CUX2: variants seen among roughly 807,000 people sequenced by gnomAD.
The protein encoded by CUX2 is cut like homeobox 2.
CUX2 carries 40 observed loss-of-function variants against 144.8 expected under a neutral mutation model. That is an observed-to-expected ratio of 0.28 (90% CI 0.21 to 0.36). The LOEUF (loss-of-function observed/expected upper bound fraction) is 0.36, where lower values mean the gene tolerates loss of function less well. Among genes scored for constraint, CUX2 ranks in the 10% least tolerant of loss-of-function variants. The pLI, the probability that CUX2 is intolerant of heterozygous loss-of-function variation, is 1.00. For synonymous variants in CUX2, 827 were observed against 875.6 expected, an observed-to-expected ratio of 0.94 and a Z score of 0.98; for missense variants, 1,615 against 1,994.0, an observed-to-expected ratio of 0.81 and a Z score of 3.62.
intron 1 of CUX2, among the ~76,000 whole-genome samples, chr12:111,205,009 C>T (rs929587154): frequency 8.5e-5 from 13 of 152,170 alleles, no homozygotes; most frequent in Admixed American, 6.5e-4. Flanking sequence ...GCCCTGGCCT[C>T]GGATAATTGG....
intron 1 of CUX2, among the ~76,000 whole-genome samples, chr12:111,084,674 TCA>T (rs1363351200): frequency 2.6e-5 from 4 of 152,232 alleles, no homozygotes; most frequent in African/African-American, 9.6e-5. Flanking sequence ...TTTTAAGGAC[TCA>T]CAGCGATGAA....
chr12:111,279,200 AG>A (rs1351258971), intron 4 of CUX2, among the ~76,000 whole-genome samples: 1 of 152,188 alleles, frequency 6.6e-6, no homozygotes, highest in Admixed American at 6.5e-5. Flanking sequence ...AGGAACTGTC[AG>A]GTCCCCTTAT....
intron 1 of CUX2, among the ~76,000 whole-genome samples, chr12:111,166,972 G>A (rs781489623): frequency 5.3e-5 from 8 of 152,160 alleles, no homozygotes; most frequent in Non-Finnish European, 7.3e-5. Flanking sequence ...GGAATTATTC[G>A]GCAACCTTGC....
chr12:111,071,333 T>C (rs1871247688), intron 1 of CUX2, among the ~76,000 whole-genome samples: 1 of 152,224 alleles, frequency 6.6e-6, no homozygotes, highest in Admixed American at 6.5e-5. Flanking sequence ...TGTGTAGAGG[T>C]ATCTCACTAT....
chr12:111,242,341 G>A (rs1237273183), intron 3 of CUX2, among the ~76,000 whole-genome samples: 1 of 152,202 alleles, frequency 6.6e-6, no homozygotes, highest in Non-Finnish European at 1.5e-5. Flanking sequence ...ATAGCCCGTG[G>A]GCCAAATAAA....
intron 1 of CUX2, among the ~76,000 whole-genome samples, chr12:111,060,859 G>A (rs1047762064): frequency 1.3e-5 from 2 of 152,220 alleles, no homozygotes; most frequent in Non-Finnish European, 2.9e-5. Context: ...AGAAACGGAA[G>A]CCTTAGCCCC....
Position 111,320,354 on chromosome 12 carries a change from C to T in CUX2, c.2345C>T (p.Ala782Val). The T allele has an allele frequency of 6.3e-7, 1 of 1,598,178 alleles. No homozygotes were observed. Among genetic ancestry groups the T allele is most frequent in the Non-Finnish European group, 8.5e-7 (1 of 1,179,176 alleles). Residue 782 changes from alanine (A) to valine (V), a missense_variant, in exon 17 of 22, where the codon GCC becomes GTC. Transcript: ENST00000261726. The surrounding 1 kb of genome is among the most constrained non-coding windows in gnomAD (Gnocchi z 8.1). ...IRKVKSEIGDAGYFDHHWASD... is the reference protein window; with the variant it reads ...IRKVKSEIGDVGYFDHHWASD... ...AAGGTCAAGTCCGAGATCGGCGACGCCGGCTACTTCGACCACCACTGGGCC... is the reference window on the plus strand; with the variant it reads ...AAGGTCAAGTCCGAGATCGGCGACGTCGGCTACTTCGACCACCACTGGGCC...
At chr12:111,329,785 G>A (rs903347952) in intron 18 of CUX2, among the ~76,000 whole-genome samples, 2 of 152,158 alleles carry the variant, frequency 1.3e-5, no homozygotes, top group African/African-American at 4.8e-5. Flanking sequence ...ACAGGTGTGT[G>A]CAAACACACC....
intron 1 of CUX2, among the ~76,000 whole-genome samples, chr12:111,138,016 T>C (rs2136119299): frequency 6.6e-6 from 1 of 152,310 alleles, no homozygotes; most frequent in African/African-American, 2.4e-5. Context: ...ACCGTATGGG[T>C]AGGCCATGTG....
At chr12:111,290,901 C>T (rs1192470750) in intron 4 of CUX2, among the ~76,000 whole-genome samples, 3 of 149,416 alleles carry the variant, frequency 2.0e-5, no homozygotes, top group African/African-American at 7.4e-5. Context: ...CTTGCTCTAT[C>T]GCCCAGGCTG....
chr12:111,172,312 A>G (rs950294551), intron 1 of CUX2, among the ~76,000 whole-genome samples: 12 of 152,250 alleles, frequency 7.9e-5, no homozygotes, highest in Non-Finnish European at 2.9e-5. Flanking sequence ...ATTTAGGTTT[A>G]TTTAAAAAAT....
rs780932489 is a variant in CUX2, at chr12:111,147,546, C to G, written c.64-66654C>G. 1.3e-4 allele frequency among the ~76,000 whole-genome samples: 20 copies of G among 152,330 alleles called. 1 individual carries two copies. The highest frequency in any genetic ancestry group is 1.0e-3 in the South Asian group (5 of 4,830). On this transcript the variant is annotated intron_variant, in intron 1 of 21. Transcript: ENST00000261726. ...CTTTTTCAAGTTCATGGTTCCCACC[C>G]TCTCGTGCTCTAGGCTCCCAGGATC...
intron 1 of CUX2, among the ~76,000 whole-genome samples, chr12:111,182,308 C>T (rs1200719737): frequency 6.6e-6 from 1 of 152,224 alleles, no homozygotes; most frequent in Non-Finnish European, 1.5e-5. Flanking sequence ...CAGAGGACCA[C>T]TTCCACGCTA....
intron 1 of CUX2, among the ~76,000 whole-genome samples, chr12:111,168,870 C>T (rs930049501): frequency 9.2e-5 from 14 of 152,086 alleles, no homozygotes; most frequent in African/African-American, 2.9e-4. Flanking sequence ...AATGCTCAGC[C>T]GGGTGGGGGT....
At chr12:111,343,165 C>A (rs1888650399) in intron 21 of CUX2, among the ~76,000 whole-genome samples, 1 of 151,846 alleles carries the variant, frequency 6.6e-6, no homozygotes, top group Non-Finnish European at 1.5e-5. Context: ...GGCTCCTGGC[C>A]CCTCCTACCC....
rs1017954141 is a variant in CUX2 at position 111,077,817 on chromosome 12, T to G, written c.63+43577T>G. On this transcript the variant is annotated intron_variant, in intron 1 of 21. Coordinates refer to ENST00000261726, the MANE Select transcript of CUX2 (RefSeq NM_015267.4). This position sits in a 1 kb window ranked among gnomAD's most constrained non-coding sequence, Gnocchi z 4.1. ...GGCAGCATTTGATTCATCTTCTGAT[T>G]AGTTGGGAAATCCATGGGTCTGTTT... is the stretch of plus-strand genomic sequence containing the variant. Among the ~76,000 whole-genome samples, 39 of 152,218 alleles carry G rather than the reference T, an allele frequency of 2.6e-4. No individual in the cohort carries two copies. The highest frequency in any genetic ancestry group is 9.4e-4 in the African/African-American group (39 of 41,444).
chr12:111,112,769 G>A (rs1874050537), intron 1 of CUX2, among the ~76,000 whole-genome samples: 1 of 152,152 alleles, frequency 6.6e-6, no homozygotes, highest in Non-Finnish European at 1.5e-5. Flanking sequence ...TTTTCAGCTG[G>A]ACAAATGTCC....
Position 111,314,654 on chromosome 12 carries a change from AAAAAAAAAAAAAAAC to A in CUX2, c.2002+2454_2002+2468del, listed in dbSNP as rs1456560212. On this transcript the variant is annotated intron_variant, in intron 16 of 21. Coordinates refer to ENST00000261726, the MANE Select transcript of CUX2 (RefSeq NM_015267.4). The stretch of plus-strand genomic sequence containing the variant: ...AAACTCAGTCTAAAAAAAAAAAAAA[AAAAAAAAAAAAAAAC>A]CCCATCTCCTCTAAAAATACAAAAA... 3.3e-3 allele frequency among the ~76,000 whole-genome samples: 458 copies of A among 136,926 alleles called. 8 individuals are homozygous for A. The highest frequency in any genetic ancestry group is 0.013 in the African/African-American group (437 of 32,982). The allele number at this position is 136,926 out of a possible 152,430, so 89.8% of individuals were successfully genotyped here.
intron 1 of CUX2, among the ~76,000 whole-genome samples, chr12:111,135,207 AAGAG>A (rs1875787294): frequency 6.6e-6 from 1 of 151,712 alleles, no homozygotes; most frequent in African/African-American, 2.4e-5. Flanking sequence ...AGAAAAAAAA[AAGAG>A]AAGAAAGAAT....
Sources: allele counts gnomAD v4.1 joint callset (sites outside exome capture counted in the v4.1 genomes callset), GRCh38; gene constraint gnomAD v4.1.1; non-coding constraint Gnocchi (gnomAD v3.1); transcripts MANE v1.5; gene names NCBI Gene and HGNC (gene_info 2026-07-23, HGNC 2026-07-21).